Variants in STX18 observed in about 807,000 individuals in gnomAD.
STX18 encodes syntaxin 18.
In STX18, 40 loss-of-function variants were observed where a neutral mutation model predicts 50.1. That is an observed-to-expected ratio of 0.80 (90% CI 0.62 to 1.04). The LOEUF is 1.04. Among genes scored for constraint, STX18 ranks in the 50% least tolerant of loss-of-function variants. The probability of loss-of-function intolerance (pLI) is 0.00; values close to 1 mark genes in which losing one functional copy is unlikely to be tolerated. For synonymous variants in STX18, 158 were observed against 151.8 expected, an observed-to-expected ratio of 1.04 and a Z score of -0.30; for missense variants, 410 against 415.8, an observed-to-expected ratio of 0.99 and a Z score of 0.12.
At chr4:4,461,171 T>C (rs2108821567) in intron 2 of STX18, among the ~76,000 whole-genome samples, 1 of 152,346 alleles carries the variant, frequency 6.6e-6, no homozygotes, top group East Asian at 1.9e-4. Flanking sequence ...ATAAAACTGA[T>C]TATTTAATTA....
intron 2 of STX18, among the ~76,000 whole-genome samples, chr4:4,467,024 C>T (rs1456248880): frequency 2.6e-5 from 4 of 152,170 alleles, no homozygotes; most frequent in East Asian, 1.9e-4. Flanking sequence ...GGCCATAAGA[C>T]CAGATGAGCC....
intron 7 of STX18, among the ~76,000 whole-genome samples, chr4:4,427,618 G>T (rs1369532440): frequency 6.6e-6 from 1 of 152,206 alleles, no homozygotes; most frequent in Non-Finnish European, 1.5e-5. Context: ...TTTATGCTTT[G>T]AAACTGTTCC....
intron 1 of STX18, among the ~76,000 whole-genome samples, chr4:4,490,508 C>T (rs978387063): frequency 6.6e-5 from 10 of 152,108 alleles, no homozygotes; most frequent in African/African-American, 1.7e-4. Context: ...TAAACTGAAA[C>T]GTTTTCCCTC....
At chr4:4,422,380 A>G (rs1000021155) in intron 9 of STX18, among the ~76,000 whole-genome samples, 8 of 152,114 alleles carry the variant, frequency 5.3e-5, no homozygotes, top group Admixed American at 3.3e-4. Flanking sequence ...CAGCCTGGCC[A>G]AGATGGTGAA....
chr4:4,532,243 A>G lies in STX18; in HGVS notation c.168+9554T>C, dbSNP rs368761156. ...AAAGTTAAACACCAGAATTTTAACTATGGCTATTTCCTGACACTGGTACTA... is the reference window on the plus strand; with the variant it reads ...AAAGTTAAACACCAGAATTTTAACTGTGGCTATTTCCTGACACTGGTACTA... On this transcript the variant is annotated intron_variant, in intron 1 of 10. Transcript: ENST00000306200. 1.8e-4 allele frequency among the ~76,000 whole-genome samples: 27 copies of G among 152,336 alleles called. No homozygotes were observed. The East Asian group carries it at 5.2e-3, about 29-fold the overall frequency.
chr4:4,465,020 G>A (rs1054998711), intron 2 of STX18, among the ~76,000 whole-genome samples: 6 of 151,736 alleles, frequency 4.0e-5, no homozygotes, highest in Admixed American at 6.6e-5. Context: ...TAGTTTTGAT[G>A]TTAGGTGTTA....
In STX18 at chr4:4,541,885, A is replaced by T; in HGVS notation, c.80T>A (p.Val27Glu). 6.2e-7 allele frequency: 1 copy of T among 1,606,486 alleles called. No homozygotes were observed. Among genetic ancestry groups the T allele is most frequent in the South Asian group, 1.1e-5 (1 of 90,640 alleles). The change falls in exon 1 of 11, where the codon GTG (valine) becomes GAG (glutamate). Residue 27 changes from valine (V) to glutamate (E), a missense_variant. Val to Glu is a moderately radical substitution (Grantham distance 121). Transcript: ENST00000306200. ...CCGGCTGCCATCGACCCCGCCGCCC[A>T]CCGCCACTCCCAGCGCCTTGTTCCG... is the stretch of plus-strand genomic sequence containing the variant. ...KTRNKALGVA[V>E]GGGVDGSRDE...
At chr4:4,471,151 G>A (rs1349539539) in intron 2 of STX18, among the ~76,000 whole-genome samples, 1 of 152,232 alleles carries the variant, frequency 6.6e-6, no homozygotes, top group Non-Finnish European at 1.5e-5. Flanking sequence ...CATCAGGACT[G>A]AGGACTGGGA....
chr4:4,452,167 G>T (rs1431935533), intron 5 of STX18, among the ~76,000 whole-genome samples: 1 of 152,178 alleles, frequency 6.6e-6, no homozygotes, highest in African/African-American at 2.4e-5. Context: ...TTCTGTGAAG[G>T]CTAAGAAAGG....
At chr4:4,510,062 G>C (rs777597078) in intron 1 of STX18, among the ~76,000 whole-genome samples, 2 of 152,140 alleles carry the variant, frequency 1.3e-5, no homozygotes, top group Non-Finnish European at 2.9e-5. Flanking sequence ...ATAAATCTGG[G>C]AGTTTCTGGA....
intron 1 of STX18, chr4:4,507,923 CTG>C (rs1315557145): frequency 2.0e-6 from 1 of 501,700 alleles, no homozygotes; most frequent in Non-Finnish European, 3.5e-6. Context: ...TCCGTATTTA[CTG>C]CCTGCTTACC....
chr4:4,540,287 C>T (rs1033540676), intron 1 of STX18, among the ~76,000 whole-genome samples: 2 of 152,188 alleles, frequency 1.3e-5, no homozygotes, highest in Admixed American at 6.5e-5. Flanking sequence ...CTTTCTCTAC[C>T]AGATAACATC....
At chr4:4,444,662 A>G (rs1726293191) in intron 5 of STX18, among the ~76,000 whole-genome samples, 1 of 152,200 alleles carries the variant, frequency 6.6e-6, no homozygotes, top group African/African-American at 2.4e-5. Context: ...ACTATAATAT[A>G]CTGTAACTAT....
chr4:4,478,153 G>C (rs148809847), intron 1 of STX18, among the ~76,000 whole-genome samples: 31 of 151,190 alleles, frequency 2.1e-4, no homozygotes, highest in Non-Finnish European at 3.8e-4. Context: ...AGCTTCATGA[G>C]AGTATTTGTG....
intron 5 of STX18, among the ~76,000 whole-genome samples, chr4:4,439,259 T>C (rs541943664): frequency 1.3e-4 from 17 of 131,356 alleles, no homozygotes; most frequent in African/African-American, 4.9e-4. Flanking sequence ...TATATTCACA[T>C]ATACTCACCC....
intron 5 of STX18, among the ~76,000 whole-genome samples, chr4:4,444,671 A>G (rs1726293826): frequency 6.6e-6 from 1 of 152,218 alleles, no homozygotes; most frequent in East Asian, 1.9e-4. Context: ...TACTGTAACT[A>G]TGAGTATAAT....
rs559743593 is a variant in STX18 at position 4,523,645 on chromosome 4, A to G, written c.168+18152T>C. ...TATATCGAGTCTACTCCCTAGCTCT[A>G]TAGTAACGAGCTGAGTTCAGGTCCT... On this transcript the variant is annotated intron_variant, in intron 1 of 10. Coordinates refer to ENST00000306200, the MANE Select transcript of STX18 (RefSeq NM_016930.4). 3.3e-5 allele frequency among the ~76,000 whole-genome samples: 5 copies of G among 152,322 alleles called. No homozygotes were observed. The South Asian group carries it at 1.0e-3, about 32-fold the overall frequency.
intron 7 of STX18, among the ~76,000 whole-genome samples, chr4:4,432,056 G>A (rs1388977881): frequency 6.6e-6 from 1 of 152,200 alleles, no homozygotes; most frequent in African/African-American, 2.4e-5. Flanking sequence ...ACCTTGCAGG[G>A]CACTTTAAGG....
In STX18 at chr4:4,519,110, G is replaced by A. The variant is rs1227304006; in HGVS notation, c.168+22687C>T. Reference sequence around the variant, plus strand: ...ATACATAAGCCAATGCAAAATCACGGTGTGACCACAGTAACAAACACATTA... The same window carrying A: ...ATACATAAGCCAATGCAAAATCACGATGTGACCACAGTAACAAACACATTA... On this transcript the variant is annotated intron_variant, in intron 1 of 10. Transcript: ENST00000306200. Among the ~76,000 whole-genome samples the A allele has an allele frequency of 2.6e-5, 4 of 152,058 alleles. No individual in the cohort carries two copies. In the East Asian group the frequency reaches 7.7e-4, roughly 29 times the overall value.
Sources: gnomAD v4.1 joint callset for allele counts (sites outside exome capture counted in the v4.1 genomes callset) on GRCh38, gnomAD v4.1.1 for gene constraint, MANE v1.5 for transcripts, NCBI Gene and HGNC (gene_info 2026-07-23, HGNC 2026-07-21) for gene names.